DPYD: variants seen among roughly 807,000 people sequenced by gnomAD.
DPYD encodes dihydropyrimidine dehydrogenase, also known as dihydropyrimidine dehydrogenase [NADP(+)].
Under a neutral mutation model 116.2 loss-of-function variants are expected in DPYD, and 109 were observed. The ratio of observed to expected loss-of-function variants is 0.94; its 90% CI spans 0.80 to 1.10. DPYD has a LOEUF of 1.10. Among genes scored for constraint, DPYD ranks in the 50% least tolerant of loss-of-function variants. The probability of loss-of-function intolerance (pLI) is 0.00; values close to 1 mark genes in which losing one functional copy is unlikely to be tolerated. For synonymous variants in DPYD, 440 were observed against 432.0 expected (o/e 1.02, Z -0.23); for missense variants, 1,302 against 1,254.5 (o/e 1.04, Z -0.57).
At chr1:97,827,112 G>A (rs1669279052) in intron 3 of DPYD, among the ~76,000 whole-genome samples, 1 of 152,008 alleles carries the variant, frequency 6.6e-6, no homozygotes, top group Admixed American at 6.6e-5. Flanking sequence ...CTAAATGAGA[G>A]CAGCTTCTAA....
At chr1:97,692,445 T>C (rs1661058742) in intron 6 of DPYD, among the ~76,000 whole-genome samples, 1 of 152,176 alleles carries the variant, frequency 6.6e-6, no homozygotes, top group African/African-American at 2.4e-5. Context: ...ATGAGGCCTA[T>C]GGCACTATTA....
At chr1:97,751,958 C>G (rs1258357916) in intron 3 of DPYD, among the ~76,000 whole-genome samples, 1 of 151,888 alleles carries the variant, frequency 6.6e-6, no homozygotes, top group African/African-American at 2.4e-5. Flanking sequence ...AGACTTTCAC[C>G]ACGTTGGCCG....
intron 1 of DPYD, among the ~76,000 whole-genome samples, chr1:97,900,809 G>A (rs917571001): frequency 2.0e-5 from 3 of 151,592 alleles, no homozygotes; most frequent in African/African-American, 7.3e-5. Flanking sequence ...CTTCCAACCA[G>A]TCTGTTAAAT....
At chr1:97,247,264 C>CA (rs2100795346) in intron 18 of DPYD, among the ~76,000 whole-genome samples, 1 of 152,098 alleles carries the variant, frequency 6.6e-6, no homozygotes, top group Non-Finnish European at 1.5e-5. Flanking sequence ...AGCATATGAT[C>CA]AAAAAACTAG....
chr1:97,827,980 T>C (rs982891957), intron 3 of DPYD, 134 bp downstream of exon 3: 11 of 830,354 alleles, frequency 1.3e-5, no homozygotes, highest in Admixed American at 4.1e-5. Context: ...TCAAGGGAAG[T>C]CTCTCCACTG....
intron 19 of DPYD, 143 bp downstream of exon 19, chr1:97,234,709 C>G: frequency 9.9e-7 from 1 of 1,013,316 alleles, no homozygotes; most frequent in South Asian, 1.4e-5. Flanking sequence ...GTCAGAGGAA[C>G]TTAATACATG....
At chr1:97,488,120 G>A (rs886081736) in intron 13 of DPYD, among the ~76,000 whole-genome samples, 8 of 151,150 alleles carry the variant, frequency 5.3e-5, no homozygotes, top group African/African-American at 1.7e-4. Flanking sequence ...TATTGACATA[G>A]GCAAAATCTT....
chr1:97,231,941 T>C (rs946185436), intron 19 of DPYD, among the ~76,000 whole-genome samples: 9 of 152,178 alleles, frequency 5.9e-5, no homozygotes, highest in Non-Finnish European at 1.0e-4. Context: ...TGGATGAAAA[T>C]AAATTCAGGT....
At chr1:97,521,320 CAA>C (rs1323552290) in intron 12 of DPYD, among the ~76,000 whole-genome samples, 4 of 151,990 alleles carry the variant, frequency 2.6e-5, no homozygotes, top group African/African-American at 9.7e-5. Flanking sequence ...ACAATTGCTA[CAA>C]AGAGAATAAA....
intron 13 of DPYD, among the ~76,000 whole-genome samples, chr1:97,470,357 A>G (rs1677573652): frequency 6.6e-6 from 1 of 152,232 alleles, no homozygotes; most frequent in Non-Finnish European, 1.5e-5. Context: ...CCATTAAATA[A>G]GGTAAAATAA....
chr1:97,776,941 A>C (rs962514773), intron 3 of DPYD, among the ~76,000 whole-genome samples: 1 of 152,194 alleles, frequency 6.6e-6, no homozygotes, highest in African/African-American at 2.4e-5. Context: ...GGTATTTGAG[A>C]ATACATAAAG....
rs966070304 is a variant in DPYD, at chr1:97,788,806, A to ATTG, written c.233+39305_233+39307dup. On this transcript the variant is annotated intron_variant, in intron 3 of 22. Coordinates refer to ENST00000370192, the MANE Select transcript of DPYD (RefSeq NM_000110.4). Reference sequence around the variant, plus strand: ...AAATACAAGCTGTATTATTTTTCTTATTGTTGTTGTTGTTGTTGTTGTTTG... The same window carrying ATTG: ...AAATACAAGCTGTATTATTTTTCTTATTGTTGTTGTTGTTGTTGTTGTTGTTTG... Among the ~76,000 whole-genome samples the ATTG allele has an allele frequency of 5.2e-4, 79 of 151,906 alleles. 1 individual carries two copies. Among genetic ancestry groups the ATTG allele is most frequent in the African/African-American group, 1.5e-3 (62 of 41,458 alleles).
chr1:97,900,240 C>T (rs931265135), intron 1 of DPYD, among the ~76,000 whole-genome samples: 1 of 151,860 alleles, frequency 6.6e-6, no homozygotes, highest in African/African-American at 2.4e-5. Context: ...CTGTTGACAA[C>T]AAAAAGGTGC....
At chr1:97,471,425 A>G (rs1225768458) in intron 13 of DPYD, among the ~76,000 whole-genome samples, 2 of 152,156 alleles carry the variant, frequency 1.3e-5, no homozygotes, top group South Asian at 2.1e-4. Flanking sequence ...ACAAATTAAC[A>G]TGTAACTTGG....
At chr1:97,113,368 A>G (rs1358048317) in intron 20 of DPYD, among the ~76,000 whole-genome samples, 6 of 152,096 alleles carry the variant, frequency 3.9e-5, no homozygotes. Context: ...AAAGGTAAGA[A>G]AAGGTAATAA....
chr1:97,594,698 T>C (rs952550875), intron 9 of DPYD, among the ~76,000 whole-genome samples: 6 of 152,170 alleles, frequency 3.9e-5, no homozygotes, highest in Non-Finnish European at 7.4e-5. Flanking sequence ...ACAGTCAATC[T>C]TTCTGCCTGT....
intron 8 of DPYD, among the ~76,000 whole-genome samples, chr1:97,631,102 G>A (rs189241243): frequency 7.6e-4 from 115 of 152,152 alleles, no homozygotes; most frequent in Non-Finnish European, 1.4e-3. Context: ...CTGGAACCAC[G>A]CCAAATGTGG....
intron 18 of DPYD, among the ~76,000 whole-genome samples, chr1:97,291,177 T>G (rs1352120476): frequency 6.6e-6 from 1 of 151,718 alleles, no homozygotes; most frequent in African/African-American, 2.4e-5. Flanking sequence ...CATTAAAAAG[T>G]CAGGAAACAA....
At chr1:97,571,173 T>G (rs1027391910) in intron 11 of DPYD, among the ~76,000 whole-genome samples, 8 of 151,918 alleles carry the variant, frequency 5.3e-5, no homozygotes, top group Admixed American at 1.3e-4. Flanking sequence ...TTCTGAACTT[T>G]GGAAAGTAAA....
Sources: gnomAD v4.1 joint callset for allele counts (sites outside exome capture counted in the v4.1 genomes callset) on GRCh38, gnomAD v4.1.1 for gene constraint, MANE v1.5 for transcripts, NCBI Gene and HGNC (gene_info 2026-07-23, HGNC 2026-07-21) for gene names.